Variants in VPS52 observed in about 807,000 individuals in gnomAD.
VPS52 encodes vacuolar protein sorting-associated protein 52 homolog.
A neutral mutation model predicts 98.7 loss-of-function variants in VPS52; 56 were observed. The ratio of observed to expected loss-of-function variants is 0.57; its 90% confidence interval spans 0.46 to 0.71. The LOEUF (loss-of-function observed/expected upper bound fraction) is 0.71, where lower values mean the gene tolerates loss of function less well. Among genes scored for constraint, VPS52 ranks in the 30% least tolerant of loss-of-function variants. The pLI, the probability that VPS52 is intolerant of heterozygous loss-of-function variation, is 0.00. For missense variants in VPS52, 742 were observed against 925.9 expected (o/e 0.80, Z 2.58); for synonymous variants, 348 against 346.4 (o/e 1.00, Z -0.05).
At chr6:33,259,765 G>A (rs1021485813) in intron 17 of VPS52, among the ~76,000 whole-genome samples, 5 of 151,216 alleles carry the variant, frequency 3.3e-5, no homozygotes, top group African/African-American at 1.2e-4. Flanking sequence ...AGCATCCTTG[G>A]TCTCTAAAAA....
intron 5 of VPS52, 136 bp downstream of exon 5, chr6:33,269,354 C>T (rs564398162): frequency 7.0e-7 from 1 of 1,434,440 alleles, no homozygotes; most frequent in African/African-American, 1.4e-5. Context: ...GCAGTAATAA[C>T]AAAAAAGGCT....
rs1163115161 is a variant in VPS52 at position 33,269,526 on chromosome 6, T to C, written c.336A>G (p.Leu112=). Residue 112 remains leucine (L), a synonymous_variant, in exon 5 of 20, where the codon CTA becomes CTG. Transcript: ENST00000445902. ...YIQESENIAS[L]HNQITACDAV... Reference sequence around the variant, plus strand: ...CATCACAGGCTGTGATCTGGTTGTGTAGAGATGCTATATTCTCACTCTCTT... The same window carrying C: ...CATCACAGGCTGTGATCTGGTTGTGCAGAGATGCTATATTCTCACTCTCTT... 2 of 1,612,758 alleles carry C rather than the reference T, an allele frequency of 1.2e-6. No individual in the cohort carries two copies. The highest frequency in any genetic ancestry group is 1.1e-5 in the South Asian group (1 of 90,724).
In VPS52 at chr6:33,267,991, G is replaced by C; in HGVS notation, c.807C>G (p.Phe269Leu). Residue 269 changes from phenylalanine (F) to leucine (L), a missense_variant, in exon 9 of 20, where the codon TTC (phenylalanine) becomes TTG (leucine). Transcript: ENST00000445902. This position sits in a 1 kb window ranked among gnomAD's most constrained non-coding sequence, Gnocchi z 4.2. Reference protein sequence around the residue: ...PQTALLKYRFFYQFLLGNERA... With the variant: ...PQTALLKYRFLYQFLLGNERA... ...GTTCATTGCCCAGCAGAAACTGATA[G>C]AAGAACCTAGGGGGTCAGGAACATG... 1.2e-6 allele frequency: 2 copies of C among 1,613,030 alleles called. No individual in the cohort carries two copies. Among genetic ancestry groups the C allele is most frequent in the Non-Finnish European group, 1.7e-6 (2 of 1,180,020 alleles).
intron 1 of VPS52, chr6:33,271,139 G>A: frequency 2.1e-6 from 1 of 480,616 alleles, no homozygotes; most frequent in South Asian, 2.7e-5. Flanking sequence ...GTGTTTACCT[G>A]CATGCCAGGT....
intron 17 of VPS52, among the ~76,000 whole-genome samples, chr6:33,259,131 A>T (rs989698874): frequency 6.6e-6 from 1 of 152,210 alleles, no homozygotes; most frequent in Non-Finnish European, 1.5e-5. Context: ...CCAGCTAGTG[A>T]GACTCGCATT....
chr6:33,259,015 G>A (rs1358713981), intron 17 of VPS52, among the ~76,000 whole-genome samples: 1 of 152,194 alleles, frequency 6.6e-6, no homozygotes, highest in Non-Finnish European at 1.5e-5. Context: ...GATGAATGAG[G>A]TACACTGACA....
In VPS52 at chr6:33,267,891, A is replaced by G; in HGVS notation, c.907T>C (p.Tyr303His). 1 of 1,613,058 alleles carries G rather than the reference A, an allele frequency of 6.2e-7. No homozygotes were observed. Among genetic ancestry groups the G allele is most frequent in the Non-Finnish European group, 8.5e-7 (1 of 1,180,020 alleles). The change falls in exon 9 of 20, where the codon TAC (tyrosine) becomes CAC (histidine). Residue 303 changes from tyrosine (Y) to histidine (H), a missense_variant. Around this residue, in one of 2 missense-constraint regions of VPS52, gnomAD observed 590 missense variants for 793.3 expected, o/e 0.74. Coordinates refer to ENST00000445902, the MANE Select transcript of VPS52 (RefSeq NM_022553.6). This position sits in a 1 kb window ranked among gnomAD's most constrained non-coding sequence, Gnocchi z 4.2. ...TGCACCTTCATGAGCCGCCCCAGGT[A>G]AGAGCGGTAGTAAGACAGGTAAATC... The part of the protein sequence containing the change: ...SKIYLSYYRS[Y>H]LGRLMKVQYE...
chr6:33,257,740 G>A (rs1337075425), intron 17 of VPS52, among the ~76,000 whole-genome samples: 1 of 152,220 alleles, frequency 6.6e-6, no homozygotes, highest in Non-Finnish European at 1.5e-5. Context: ...AGGCGTGGTA[G>A]ATGGTGGCTG....
Position 33,268,063 on chromosome 6 carries a change from T to C in VPS52, c.800+45A>G. On this transcript the variant is annotated intron_variant, in intron 8 of 19. Transcript: ENST00000445902. The surrounding 1 kb of genome is among the most constrained non-coding windows in gnomAD (Gnocchi z 4.0). ...AAACCAGATGCCCACACTAGGCCGCTCAAAAACTCAAAGGCCATCCCATGC... is the reference window on the plus strand; with the variant it reads ...AAACCAGATGCCCACACTAGGCCGCCCAAAAACTCAAAGGCCATCCCATGC... The C allele has an allele frequency of 6.2e-7, 1 of 1,612,984 alleles. No homozygotes were observed. The highest frequency in any genetic ancestry group is 2.2e-5 in the East Asian group (1 of 44,892).
intron 1 of VPS52, chr6:33,271,299 A>G (rs1765031900): frequency 2.5e-5 from 16 of 634,684 alleles, no homozygotes; most frequent in Non-Finnish European, 4.6e-5. Flanking sequence ...GATAGAACTC[A>G]GGCAGTCTGG....
chr6:33,264,583 G>A (rs751591429), intron 13 of VPS52, 86 bp from the exon 14 acceptor site: 4 of 1,582,182 alleles, frequency 2.5e-6, no homozygotes, highest in Non-Finnish European at 3.4e-6. Flanking sequence ...CAGTTTAATG[G>A]TCAATAGCTA....
upstream of VPS52, chr6:33,271,891 C>T (rs958955184): frequency 3.1e-5 from 36 of 1,168,236 alleles, no homozygotes; most frequent in Non-Finnish European, 3.9e-5. Flanking sequence ...CCGGAACCTT[C>T]GCTGTTCTCT....
Position 33,264,368 on chromosome 6 carries a change from C to T in VPS52, c.1524+6G>A, listed in dbSNP as rs768134425. The T allele has an allele frequency of 3.0e-5, 49 of 1,613,880 alleles. 1 individual carries two copies. In the South Asian group the frequency reaches 5.3e-4, roughly 17 times the overall value. Reference sequence around the variant, plus strand: ...AGAACCCTTTGTTACCCTTGCCCTCCCTCACATAGTGGGGCCGAGTATCCA... The same window carrying T: ...AGAACCCTTTGTTACCCTTGCCCTCTCTCACATAGTGGGGCCGAGTATCCA... On this transcript the variant is annotated splice_donor_region_variant and intron_variant, in intron 14 of 19. Coordinates refer to ENST00000445902, the MANE Select transcript of VPS52 (RefSeq NM_022553.6).
chr6:33,251,928 A>C lies in VPS52; in HGVS notation c.1838T>G (p.Val613Gly). The C allele has an allele frequency of 1.2e-6, 2 of 1,613,222 alleles. No homozygotes were observed. The highest frequency in any genetic ancestry group is 1.7e-6 in the Non-Finnish European group (2 of 1,180,040). ...AGCCTCAGCCTCCTTCACAAATGCC[A>C]CTAAACCCCCAAAAGGGGGAGACAG... ...ELLSPPFGGL[V>G]AFVKEAEALI... The change falls in exon 18 of 20, where the codon GTG (valine) becomes GGG (glycine). Residue 613 changes from valine (V) to glycine (G), a missense_variant. By Grantham distance (109) the Val-to-Gly change is moderately radical. Around this residue, in one of 2 missense-constraint regions of VPS52, gnomAD observed 590 missense variants for 793.3 expected, o/e 0.74. Transcript: ENST00000445902.
intron 13 of VPS52, 84 bp downstream of exon 13, chr6:33,264,698 G>A (rs577804818): frequency 1.4e-6 from 2 of 1,438,434 alleles, no homozygotes; most frequent in African/African-American, 1.4e-5. Flanking sequence ...TACCAGGTCA[G>A]TAGGAGTCTA....
intron 12 of VPS52, 97 bp from the exon 13 acceptor site, chr6:33,264,997 G>A (rs1205690705): frequency 1.9e-6 from 2 of 1,043,160 alleles, no homozygotes; most frequent in Non-Finnish European, 3.0e-6. Context: ...TGGGGATGAT[G>A]CACTGGACAG....
Position 33,264,852 on chromosome 6 carries a change from A to G in VPS52, c.1330T>C (p.Phe444Leu). 1 of 1,613,070 alleles carries G rather than the reference A, an allele frequency of 6.2e-7. No individual in the cohort carries two copies. Among genetic ancestry groups the G allele is most frequent in the Non-Finnish European group, 8.5e-7 (1 of 1,180,026 alleles). ...CGGAGAACAATGTGGATACAGAGAA[A>G]AACAGCAATGGCATCGTAGCAGTCA... Reference protein sequence around the residue: ...LADCYDAIAVFLCIHIVLRFR... With the variant: ...LADCYDAIAVLLCIHIVLRFR... The change falls in exon 13 of 20, where the codon TTT (phenylalanine) becomes CTT (leucine). Residue 444 changes from phenylalanine (F) to leucine (L), a missense_variant. Physicochemically the swap from Phe to Leu is conservative, Grantham distance 22 (BLOSUM62 0). Around this residue, in one of 2 missense-constraint regions of VPS52, gnomAD observed 590 missense variants for 793.3 expected, o/e 0.74. Transcript: ENST00000445902.
chr6:33,264,004 T>G lies in VPS52; in HGVS notation c.1620+4A>C, dbSNP rs903299177. On this transcript the variant is annotated splice_donor_region_variant and intron_variant, in intron 15 of 19. Transcript: ENST00000445902. ...CTGGGAAGTGTCTCCTGTCCGACCC[T>G]CACCTGCAGCTGTCCCAGCAATTGC... 1 of 1,614,080 alleles carries G rather than the reference T, an allele frequency of 6.2e-7. No individual in the cohort carries two copies. Among genetic ancestry groups the G allele is most frequent in the African/African-American group, 1.3e-5 (1 of 74,918 alleles).
At chr6:33,264,521 G>A (rs371829567) in intron 13 of VPS52, 24 bp from the exon 14 acceptor site, 2 of 1,613,518 alleles carry the variant, frequency 1.2e-6, no homozygotes, top group African/African-American at 2.7e-5. Context: ...CAGAATCAGA[G>A]GTCAGCCAGC....
Sources: allele counts gnomAD v4.1 joint callset (sites outside exome capture counted in the v4.1 genomes callset), GRCh38; gene constraint gnomAD v4.1.1; regional missense constraint gnomAD v4.1.1; non-coding constraint Gnocchi (gnomAD v3.1); transcripts MANE v1.5; gene names NCBI Gene and HGNC (gene_info 2026-07-23, HGNC 2026-07-21).